Variants in SEC14L3 observed in about 807,000 individuals in gnomAD.
SEC14L3 encodes SEC14 like lipid binding 3.
Under a neutral mutation model 57.4 loss-of-function variants are expected in SEC14L3, and 56 were observed. That is an observed-to-expected ratio of 0.97 (90% CI 0.79 to 1.22). The LOEUF is 1.22. Ranked by LOEUF, SEC14L3 falls within the 50% of genes most tolerant of loss-of-function variation. The pLI is 0.00. For missense variants in SEC14L3, 485 were observed against 511.7 expected, an observed-to-expected ratio of 0.95 and a Z score of 0.50; for synonymous variants, 173 against 194.4, an observed-to-expected ratio of 0.89 and a Z score of 0.92.
intron 9 of SEC14L3, 75 bp downstream of exon 9, chr22:30,462,011 G>T: frequency 2.1e-6 from 3 of 1,446,162 alleles, no homozygotes; most frequent in Non-Finnish European, 2.9e-6. Context: ...GGTAATTGTG[G>T]ATGAATGACT....
chr22:30,465,923 A>G (rs927428478), intron 7 of SEC14L3, among the ~76,000 whole-genome samples: 4 of 152,264 alleles, frequency 2.6e-5, no homozygotes, highest in South Asian at 2.1e-4. Context: ...GGGCTACAAC[A>G]AAAGTGGAGA....
At chr22:30,457,325 T>C (rs1248027727), downstream of SEC14L3, among the ~76,000 whole-genome samples, 2 of 151,894 alleles carry the variant, frequency 1.3e-5, no homozygotes, top group Admixed American at 6.6e-5. Flanking sequence ...AAATATAAGA[T>C]GCATAGGTCA....
chr22:30,448,729 G>GAAAT (rs1569222589), exon 13 of SEC14L3: 1 of 178,328 alleles, frequency 5.6e-6, no homozygotes, highest in East Asian at 1.4e-4. Context: ...AAGAAAGAAA[G>GAAAT]AAAGAAAGAA....
chr22:30,460,416 C>T (rs372963736), intron 11 of SEC14L3, among the ~76,000 whole-genome samples: 164 of 152,338 alleles, frequency 1.1e-3, no homozygotes, highest in African/African-American at 3.6e-3. Flanking sequence ...CACCTGGAGA[C>T]GCACATGACG....
intron 8 of SEC14L3, among the ~76,000 whole-genome samples, chr22:30,464,561 T>G (rs992272910): frequency 1.3e-5 from 2 of 152,094 alleles, no homozygotes; most frequent in Admixed American, 6.6e-5. Flanking sequence ...CTCCTAAGTA[T>G]CTGGAATTAC....
intron 11 of SEC14L3, among the ~76,000 whole-genome samples, chr22:30,460,700 T>C (rs1441801206): frequency 6.6e-6 from 1 of 151,606 alleles, no homozygotes; most frequent in Non-Finnish European, 1.5e-5. Flanking sequence ...GTGGTGCACA[T>C]GCCTGTAATC....
At chr22:30,449,073 C>A in exon 13 of SEC14L3, 1 of 1,550,402 alleles carries the variant, frequency 6.4e-7, no homozygotes, top group South Asian at 1.2e-5. Context: ...GCCAGTTACT[C>A]ACACAGACAA....
At chr22:30,469,665 C>T (rs376265634) in intron 4 of SEC14L3, among the ~76,000 whole-genome samples, 42 of 152,160 alleles carry the variant, frequency 2.8e-4, no homozygotes, top group African/African-American at 9.4e-4. Context: ...GTGGTGGTTA[C>T]GAGCCTGGGT....
chr22:30,461,143 C>T (rs749333339), intron 11 of SEC14L3, among the ~76,000 whole-genome samples, 167 bp downstream of exon 11: 2 of 152,228 alleles, frequency 1.3e-5, no homozygotes, highest in Admixed American at 6.5e-5. Context: ...ACAGTAGGTG[C>T]TCATGAATAT....
chr22:30,463,453 G>A (rs944529215), intron 8 of SEC14L3, among the ~76,000 whole-genome samples: 4 of 152,216 alleles, frequency 2.6e-5, no homozygotes, highest in African/African-American at 9.7e-5. Flanking sequence ...GTCACATGGG[G>A]CAGAGGCTGT....
At chr22:30,467,443 C>T (rs1935457744) in intron 5 of SEC14L3, among the ~76,000 whole-genome samples, 1 of 152,148 alleles carries the variant, frequency 6.6e-6, no homozygotes, top group Non-Finnish European at 1.5e-5. Flanking sequence ...TTATCAAGCA[C>T]TTTTTTGTGT....
At chr22:30,448,585 A>AG (rs1934921310) in exon 13 of SEC14L3, 1 of 129,912 alleles carries the variant, frequency 7.7e-6, no homozygotes, top group Non-Finnish European at 1.7e-5. Flanking sequence ...AAAAAAAAAA[A>AG]GCCCAGACCA....
intron 4 of SEC14L3, among the ~76,000 whole-genome samples, chr22:30,469,142 G>C (rs952832437): frequency 6.6e-6 from 1 of 152,040 alleles, no homozygotes; most frequent in Non-Finnish European, 1.5e-5. Context: ...AACAGAGAGA[G>C]ACCCTGTCCC....
chr22:30,460,045 A>T lies in SEC14L3; in HGVS notation c.1179T>A (p.Tyr393Ter). The change falls in exon 12 of 12, where the codon TAT (tyrosine) becomes TAA (stop). Residue 393 changes from tyrosine (Y) to a stop codon, truncating the protein, a stop_gained. Coordinates refer to ENST00000215812, the MANE Select transcript of SEC14L3 (RefSeq NM_174975.5). LOFTEE classifies it high-confidence loss of function. ...VLLPDEGMQKYDKELTPV is the reference protein window; with the variant it reads ...VLLPDEGMQK ...CCTAGACAGGGGTGAGCTCCTTATC[A>T]TATTTCTGCATGCCCTCGTCAGGGA... 1 of 1,614,110 alleles carries T rather than the reference A, an allele frequency of 6.2e-7. No homozygotes were observed. The highest frequency in any genetic ancestry group is 8.5e-7 in the Non-Finnish European group (1 of 1,180,016).
intron 12 of SEC14L3, among the ~76,000 whole-genome samples, chr22:30,453,129 A>T (rs528937545): frequency 6.6e-6 from 1 of 152,292 alleles, no homozygotes; most frequent in African/African-American, 2.4e-5. Context: ...CCTCAACAGG[A>T]TACAATCCTA....
chr22:30,451,447 A>G (rs1934979403), intron 12 of SEC14L3, among the ~76,000 whole-genome samples: 1 of 152,164 alleles, frequency 6.6e-6, no homozygotes, highest in Non-Finnish European at 1.5e-5. Context: ...AAACAAACAT[A>G]ATAAAGCAAA....
intron 8 of SEC14L3, 67 bp from the exon 9 acceptor site, chr22:30,462,259 C>T (rs1935292950): frequency 2.0e-6 from 3 of 1,523,988 alleles, no homozygotes; most frequent in African/African-American, 2.7e-5. Context: ...CCCACACCCA[C>T]CAGGATGACC....
chr22:30,455,187 A>G (rs1466841446), downstream of SEC14L3, among the ~76,000 whole-genome samples: 6 of 120,522 alleles, frequency 5.0e-5, no homozygotes, highest in African/African-American at 1.3e-4. Context: ...TTTAATATTT[A>G]ATATATAATA....
At chr22:30,449,174 G>T in exon 13 of SEC14L3, 1 of 1,550,598 alleles carries the variant, frequency 6.4e-7, no homozygotes, top group Middle Eastern at 1.7e-4. Context: ...TTGAGTGTGA[G>T]TTCTGTAGCT....
Sources: gnomAD v4.1 joint callset for allele counts (sites outside exome capture counted in the v4.1 genomes callset) on GRCh38, gnomAD v4.1.1 for gene constraint, MANE v1.5 for transcripts, NCBI Gene and HGNC (gene_info 2026-07-23, HGNC 2026-07-21) for gene names.